The following PBX1 variants were observed in gnomAD, a reference collection of about 807,000 sequenced individuals.
The protein encoded by PBX1 is PBX homeobox 1.
PBX1 carries 6 observed loss-of-function variants against 53.4 expected under a neutral mutation model. The ratio of observed to expected loss-of-function variants is 0.11; its 90% CI spans 0.06 to 0.22. The LOEUF (loss-of-function observed/expected upper bound fraction) is 0.22, where lower values mean the gene tolerates loss of function less well. Ranked by LOEUF, PBX1 falls within the 10% of genes least tolerant of loss-of-function variation. PBX1 has a pLI of 1.00. For missense variants in PBX1, 251 were observed against 551.4 expected (o/e 0.46, Z 5.46); for synonymous variants, 204 against 212.3 (o/e 0.96, Z 0.34).
chr1:164,780,458 C>T (rs557978034), intron 2 of PBX1, among the ~76,000 whole-genome samples: 2 of 152,310 alleles, frequency 1.3e-5, no homozygotes, highest in African/African-American at 4.8e-5. Context: ...TGAATGCTCG[C>T]ACTCAAGTTC....
rs1224838199 is a variant in PBX1, at chr1:164,873,099, G to C, written n.258-26089G>C. 3.3e-5 allele frequency among the ~76,000 whole-genome samples: 5 copies of C among 152,192 alleles called. No homozygotes were observed. The East Asian group carries it at 9.7e-4, about 29-fold the overall frequency. On this transcript the variant is annotated intron_variant and non_coding_transcript_variant, in intron 2 of 2. Coordinates refer to the PBX1 transcript ENST00000558796. ...AGAAACTTTAGGTAACTTAGGCAAG[G>C]ATACACAACCAGTATATGGTCGAGA... is the stretch of plus-strand genomic sequence containing the variant.
rs1183221185 is a variant in PBX1, at chr1:164,559,812, A to G, written c.-11A>G. 6.5e-7 allele frequency: 1 copy of G among 1,541,514 alleles called. No homozygotes were observed. The highest frequency in any genetic ancestry group is 1.2e-5 in the South Asian group (1 of 83,576). ...AAGAGGAAGAGCCGGGGGCTGCCGT[A>G]GCCTTTGGAGATGGACGAGCAGCCC... On this transcript the variant is annotated 5_prime_UTR_variant, in exon 1 of 9. Transcript: ENST00000420696.
intron 2 of PBX1, among the ~76,000 whole-genome samples, chr1:164,618,491 AAAAT>A (rs1657451371): frequency 2.0e-5 from 3 of 152,224 alleles, no homozygotes; most frequent in Admixed American, 2.0e-4. Context: ...GATAATTTGG[AAAAT>A]AAATGAAAGA....
At chr1:164,723,425 GC>G (rs142832294) in intron 2 of PBX1, among the ~76,000 whole-genome samples, 5,829 of 152,266 alleles carry the variant, frequency 0.038, 199 homozygotes, top group East Asian at 0.16. Context: ...GACTGGATGT[GC>G]TTGGAGCATT....
In PBX1 at chr1:164,607,046, C is replaced by T. The variant is rs544201422; in HGVS notation, c.265+43735C>T. On this transcript the variant is annotated intron_variant, in intron 2 of 8. Transcript: ENST00000420696. The stretch of plus-strand genomic sequence containing the variant: ...GTGGCACACCAGGCTGTGAGAGCAC[C>T]GCATGGGCAAAGGCCCAGGGTCATA... Among the ~76,000 whole-genome samples, 11 of 152,246 alleles carry T rather than the reference C, an allele frequency of 7.2e-5. No individual in the cohort carries two copies. In the East Asian group the frequency reaches 1.2e-3, roughly 16 times the overall value.
At chr1:164,871,268 G>T (rs1194312449) in intron 2 of PBX1, among the ~76,000 whole-genome samples, 2 of 152,212 alleles carry the variant, frequency 1.3e-5, no homozygotes, top group Non-Finnish European at 2.9e-5. Flanking sequence ...TCAGAGAATA[G>T]AGTGCTTTCA....
chr1:164,574,989 T>A (rs892566082), intron 2 of PBX1, among the ~76,000 whole-genome samples: 10 of 151,698 alleles, frequency 6.6e-5, no homozygotes, highest in Non-Finnish European at 2.9e-5. Context: ...AAAAAAAAAA[T>A]TATTGAAGCA....
At chr1:164,633,861 C>T (rs1217524215) in intron 2 of PBX1, among the ~76,000 whole-genome samples, 1 of 152,186 alleles carries the variant, frequency 6.6e-6, no homozygotes, top group Non-Finnish European at 1.5e-5. Context: ...AAAACAGTGC[C>T]TGGTGCATGT....
At chr1:164,663,833 A>C (rs772915413) in intron 2 of PBX1, among the ~76,000 whole-genome samples, 1 of 152,236 alleles carries the variant, frequency 6.6e-6, no homozygotes, top group Non-Finnish European at 1.5e-5. Flanking sequence ...TAGTAGAGCT[A>C]TGACTAATCA....
chr1:164,791,931 TC>T (rs1668530554), intron 2 of PBX1, among the ~76,000 whole-genome samples: 1 of 151,910 alleles, frequency 6.6e-6, no homozygotes, highest in Non-Finnish European at 1.5e-5. Flanking sequence ...TTCAAGGGAT[TC>T]CCCTGCCTCA....
At chr1:164,744,217 G>A (rs186587293) in intron 2 of PBX1, among the ~76,000 whole-genome samples, 2 of 152,268 alleles carry the variant, frequency 1.3e-5, no homozygotes, top group African/African-American at 4.8e-5. Context: ...TCAAAATCAT[G>A]TGTCTGACTC....
intron 8 of PBX1, among the ~76,000 whole-genome samples, chr1:164,841,739 CT>C (rs1671302620): frequency 6.6e-6 from 1 of 152,026 alleles, no homozygotes; most frequent in Non-Finnish European, 1.5e-5. Flanking sequence ...GAGCTGATGT[CT>C]CCCTGATATA....
intron 2 of PBX1, among the ~76,000 whole-genome samples, chr1:164,691,065 A>G (rs1571228905): frequency 8.0e-6 from 1 of 125,374 alleles, no homozygotes; most frequent in African/African-American, 3.1e-5. Flanking sequence ...CCCAGGCTGG[A>G]GTGCAGTGGT....
intron 2 of PBX1, among the ~76,000 whole-genome samples, chr1:164,782,254 C>T (rs1001776928): frequency 1.3e-5 from 2 of 152,222 alleles, no homozygotes; most frequent in South Asian, 2.1e-4. Context: ...CACCTTGTTG[C>T]CCTACTCTAG....
At chr1:164,834,029 ATGTGTGTGTGTGTGTGTG>A (rs35739146) in intron 8 of PBX1, among the ~76,000 whole-genome samples, 3 of 128,234 alleles carry the variant, frequency 2.3e-5, no homozygotes, top group African/African-American at 8.8e-5. Flanking sequence ...ATATATGTAT[ATGTGTGTGTGTGTGTGTG>A]TGTGTGTGTG....
Position 164,849,319 on chromosome 1 carries a change from C to G in PBX1, c.*2643C>G, listed in dbSNP as rs1671716143. ...AGCATTTTCCCCAACCAGCATTTCA[C>G]TTAGTCTTCTCTATACCCAGCACCT... On this transcript the variant is annotated 3_prime_UTR_variant, in exon 9 of 9. Transcript: ENST00000420696. The G allele has an allele frequency of 2.6e-6, 4 of 1,535,396 alleles. No homozygotes were observed. In the South Asian group the frequency reaches 3.6e-5, roughly 14 times the overall value.
At chr1:164,578,435 C>T (rs1322525797) in intron 2 of PBX1, among the ~76,000 whole-genome samples, 1 of 152,112 alleles carries the variant, frequency 6.6e-6, no homozygotes, top group African/African-American at 2.4e-5. Flanking sequence ...TGTTTTAGAC[C>T]TCCTGGAGGG....
intron 2 of PBX1, among the ~76,000 whole-genome samples, chr1:164,732,381 C>CT (rs1665042609): frequency 6.6e-6 from 1 of 152,146 alleles, no homozygotes. Flanking sequence ...AATGTTTTCA[C>CT]TTTTTCTAGA....
chr1:164,757,286 A>G (rs1020617795), intron 2 of PBX1, among the ~76,000 whole-genome samples: 1 of 152,222 alleles, frequency 6.6e-6, no homozygotes, highest in African/African-American at 2.4e-5. Flanking sequence ...ATTTCAGAGT[A>G]CTGATGAGAA....
Sources: gnomAD v4.1 joint callset for allele counts (sites outside exome capture counted in the v4.1 genomes callset) on GRCh38, gnomAD v4.1.1 for gene constraint, MANE v1.5 for transcripts, NCBI Gene and HGNC (gene_info 2026-07-23, HGNC 2026-07-21) for gene names.